The following MLLT10 variants were observed in gnomAD, a reference collection of about 807,000 sequenced individuals.
MLLT10 encodes the protein MLLT10 histone lysine methyltransferase DOT1L cofactor.
In MLLT10, 30 loss-of-function variants were observed where a neutral mutation model predicts 129.1. The ratio of observed to expected loss-of-function variants is 0.23; its 90% confidence interval spans 0.17 to 0.32. The LOEUF (loss-of-function observed/expected upper bound fraction) is 0.32, where lower values mean the gene tolerates loss of function less well. Ranked by LOEUF, MLLT10 falls within the 10% of genes least tolerant of loss-of-function variation. The pLI is 1.00. For missense variants in MLLT10, 1,119 were observed against 1,268.3 expected (o/e 0.88, Z 1.79); for synonymous variants, 490 against 446.4 (o/e 1.10, Z -1.23).
At chr10:21,667,129 T>C (rs1176248458) in intron 9 of MLLT10, among the ~76,000 whole-genome samples, 1 of 152,158 alleles carries the variant, frequency 6.6e-6, no homozygotes, top group African/African-American at 2.4e-5. Flanking sequence ...TTTTTTCTTT[T>C]AGTACTCTCC....
At position 21,563,644 on chromosome 10, in the gene MLLT10, ATTAC is replaced by A. The variant is rs368929490; in HGVS notation, c.241-22646_241-22643del. Among the ~76,000 whole-genome samples, 35 of 152,184 alleles carry A rather than the reference ATTAC, an allele frequency of 2.3e-4. 1 individual carries two copies. The East Asian group carries it at 2.9e-3, about 13-fold the overall frequency. ...TTACAGTTAAACTGCGTTTTGTTTAATTACTTATTTGCTGAAAGATAATCTCAGT... is the reference window on the plus strand; with the variant it reads ...TTACAGTTAAACTGCGTTTTGTTTAATTATTTGCTGAAAGATAATCTCAGT... On this transcript the variant is annotated intron_variant, in intron 3 of 22. Transcript: ENST00000307729.
chr10:21,701,916 G>A (rs112043241), intron 13 of MLLT10, among the ~76,000 whole-genome samples: 8 of 142,080 alleles, frequency 5.6e-5, no homozygotes, highest in Admixed American at 1.4e-4. Context: ...TTCTCTTCTC[G>A]TCTCGTCTCG....
At chr10:21,536,330 C>A (rs1172298791) in intron 2 of MLLT10, among the ~76,000 whole-genome samples, 1 of 152,164 alleles carries the variant, frequency 6.6e-6, no homozygotes, top group Non-Finnish European at 1.5e-5. Flanking sequence ...ATTTTAAGGT[C>A]ATCCCATGTT....
intron 8 of MLLT10, among the ~76,000 whole-genome samples, chr10:21,644,735 G>A (rs956140144): frequency 3.9e-5 from 6 of 151,984 alleles, no homozygotes; most frequent in African/African-American, 1.5e-4. Flanking sequence ...TCCACCTCTT[G>A]GGTCCTCCGC....
chr10:21,623,459 G>A (rs1005627555), intron 8 of MLLT10, among the ~76,000 whole-genome samples: 3 of 152,166 alleles, frequency 2.0e-5, no homozygotes, highest in African/African-American at 7.2e-5. Context: ...AACAAAAAAT[G>A]CTCTTATCAC....
chr10:21,725,500 C>T (rs1262827012), intron 14 of MLLT10, among the ~76,000 whole-genome samples: 2 of 152,022 alleles, frequency 1.3e-5, no homozygotes, highest in African/African-American at 4.8e-5. Flanking sequence ...GGGTGGATCA[C>T]CTGAGGTCAG....
At chr10:21,624,938 TC>T in intron 8 of MLLT10, 1 of 1,310,570 alleles carries the variant, frequency 7.6e-7, no homozygotes, top group Non-Finnish European at 1.1e-6. Context: ...GAGGTGGTGC[TC>T]CCCTCCCCCT....
chr10:21,563,472 G>A (rs942377952), intron 3 of MLLT10, among the ~76,000 whole-genome samples: 1 of 152,064 alleles, frequency 6.6e-6, no homozygotes, highest in African/African-American at 2.4e-5. Context: ...GCAGTGAGCT[G>A]AGATTGTGCC....
At chr10:21,697,491 TTGA>T (rs2054493824) in intron 13 of MLLT10, among the ~76,000 whole-genome samples, 1 of 152,024 alleles carries the variant, frequency 6.6e-6, no homozygotes, top group Non-Finnish European at 1.5e-5. Flanking sequence ...AAAAAGTTTG[TTGA>T]TGATTTTTTC....
chr10:21,594,406 G>A (rs1051014360), intron 4 of MLLT10, among the ~76,000 whole-genome samples: 3 of 151,718 alleles, frequency 2.0e-5, no homozygotes, highest in Non-Finnish European at 2.9e-5. Flanking sequence ...AAAATTAGCC[G>A]GGTGTGGTGG....
chr10:21,615,858 TC>T, intron 7 of MLLT10, among the ~76,000 whole-genome samples: 1 of 152,216 alleles, frequency 6.6e-6, no homozygotes, highest in Non-Finnish European at 1.5e-5. Flanking sequence ...GTATCCATGT[TC>T]CTTTGAAGGG....
Position 21,616,273 on chromosome 10 carries a change from T to C in MLLT10, c.604-839T>C, listed in dbSNP as rs1047058972. On this transcript the variant is annotated intron_variant, in intron 7 of 22. Coordinates refer to ENST00000307729, the MANE Select transcript of MLLT10 (RefSeq NM_001195626.3). ...AAATAAAAAAATGGATTTTGAAGTT[T>C]GTGCAAATAGAATTTTCTTATTGCT... Among the ~76,000 whole-genome samples, 4 of 152,152 alleles carry C rather than the reference T, an allele frequency of 2.6e-5. No homozygotes were observed. In the South Asian group the frequency reaches 6.2e-4, roughly 24 times the overall value.
At chr10:21,644,573 A>G (rs1450251498) in intron 8 of MLLT10, among the ~76,000 whole-genome samples, 3 of 152,194 alleles carry the variant, frequency 2.0e-5, no homozygotes, top group African/African-American at 2.4e-5. Flanking sequence ...ACCAGGTTCT[A>G]TATATCTCAA....
At chr10:21,578,845 T>C (rs1378905887) in intron 3 of MLLT10, among the ~76,000 whole-genome samples, 1 of 152,206 alleles carries the variant, frequency 6.6e-6, no homozygotes, top group Non-Finnish European at 1.5e-5. Flanking sequence ...GTTGGAACTA[T>C]GTATATTATA....
At chr10:21,542,992 T>C (rs1049935411) in intron 3 of MLLT10, among the ~76,000 whole-genome samples, 1 of 151,918 alleles carries the variant, frequency 6.6e-6, no homozygotes, top group Admixed American at 6.6e-5. Flanking sequence ...GAAATTTTGC[T>C]GTGTTGCCCA....
chr10:21,536,518 T>G (rs535473071), intron 2 of MLLT10, among the ~76,000 whole-genome samples: 1 of 152,322 alleles, frequency 6.6e-6, no homozygotes, highest in Non-Finnish European at 1.5e-5. Context: ...GATGCTGTGT[T>G]TTGGACACCT....
chr10:21,554,036 C>G, intron 3 of MLLT10, among the ~76,000 whole-genome samples: 1 of 152,134 alleles, frequency 6.6e-6, no homozygotes, highest in East Asian at 1.9e-4. Context: ...CTGATACTCA[C>G]GATGGTGTGC....
At chr10:21,662,120 G>A (rs909688931) in intron 9 of MLLT10, among the ~76,000 whole-genome samples, 1 of 151,686 alleles carries the variant, frequency 6.6e-6, no homozygotes, top group African/African-American at 2.4e-5. Flanking sequence ...TGCCTGTGTG[G>A]GTAAGGTGTT....
chr10:21,730,499 TATG>T (rs766793602), intron 16 of MLLT10, among the ~76,000 whole-genome samples: 3 of 152,188 alleles, frequency 2.0e-5, no homozygotes, highest in Non-Finnish European at 4.4e-5. Context: ...TTCAGGTTAT[TATG>T]ATGGCAAATA....
Sources: gnomAD v4.1 joint callset for allele counts (sites outside exome capture counted in the v4.1 genomes callset) on GRCh38, gnomAD v4.1.1 for gene constraint, MANE v1.5 for transcripts, NCBI Gene and HGNC (gene_info 2026-07-23, HGNC 2026-07-21) for gene names.